Variants in TECTA observed in about 807,000 individuals in gnomAD.
The protein encoded by TECTA is alpha-tectorin.
In TECTA, 128 loss-of-function variants were observed where a neutral mutation model predicts 216.8. The observed-to-expected ratio is 0.59, with a 90% CI of 0.51 to 0.68. The LOEUF (loss-of-function observed/expected upper bound fraction) is 0.68. TECTA is among the 30% of genes least tolerant of loss of function. TECTA has a pLI of 0.00. For synonymous variants in TECTA, 1,089 were observed against 1,117.1 expected, an observed-to-expected ratio of 0.97 and a Z score of 0.50; for missense variants, 2,551 against 2,786.2, an observed-to-expected ratio of 0.92 and a Z score of 1.90.
chr11:121,166,363 A>G (rs1947053078), intron 17 of TECTA, among the ~76,000 whole-genome samples: 1 of 152,242 alleles, frequency 6.6e-6, no homozygotes, highest in Non-Finnish European at 1.5e-5. Flanking sequence ...TAGCATTTTT[A>G]TCCTTTTAAA....
chr11:121,166,682 G>T lies in TECTA; in HGVS notation c.5488G>T (p.Val1830Leu). 1.2e-6 allele frequency: 2 copies of T among 1,614,186 alleles called. No homozygotes were observed. Among genetic ancestry groups the T allele is most frequent in the South Asian group, 1.1e-5 (1 of 91,086 alleles). ...LFQLGFEREG[V>L]RINDRQCTGI... ...CCAGCTCGGTTTTGAGAGGGAGGGC[G>T]TGAGGATCAATGACAGACAGTGCAC... Residue 1830 changes from valine to leucine, a missense_variant, in exon 18 of 24, where the codon GTG becomes TTG. Val to Leu is a conservative substitution (Grantham distance 32). Transcript: ENST00000392793.
At chr11:121,183,362 C>T (rs1407758011) in intron 20 of TECTA, among the ~76,000 whole-genome samples, 1 of 152,110 alleles carries the variant, frequency 6.6e-6, no homozygotes, top group Non-Finnish European at 1.5e-5. Flanking sequence ...TGGAACAATA[C>T]TGTTATGTGG....
At chr11:121,146,183 C>T (rs1946837461) in intron 12 of TECTA, 67 bp downstream of exon 12, 1 of 1,573,436 alleles carries the variant, frequency 6.4e-7, no homozygotes, top group South Asian at 1.1e-5. Flanking sequence ...GAAGGCCAGT[C>T]TTCCAACTCC....
In TECTA at chr11:121,112,944, G is replaced by T. The variant is rs964339444; in HGVS notation, c.487-128G>T. On this transcript the variant is annotated intron_variant, in intron 4 of 23. Transcript: ENST00000392793. Reference sequence around the variant, plus strand: ...AATTCAGAGAGGAGTCAGAGCTGGAGGGCCTGGCTGCAGAGCAGCTCTGAG... The same window carrying T: ...AATTCAGAGAGGAGTCAGAGCTGGATGGCCTGGCTGCAGAGCAGCTCTGAG... 9 of 1,129,038 alleles carry T rather than the reference G, an allele frequency of 8.0e-6. No homozygotes were observed. The African/African-American group carries it at 1.2e-4, about 15-fold the overall frequency. 69.9% of individuals were successfully genotyped at this position (1,129,038 alleles called of 1,614,324 possible).
intron 8 of TECTA, among the ~76,000 whole-genome samples, chr11:121,126,759 T>G (rs1946616649): frequency 6.6e-6 from 1 of 152,114 alleles, no homozygotes; most frequent in Non-Finnish European, 1.5e-5. Context: ...TTCTTAAGAG[T>G]TTTGGTCAAA....
Position 121,145,938 on chromosome 11 carries a change from T to A in TECTA, c.3927T>A (p.Ala1309=). Reference sequence around the variant, plus strand: ...GCAGCCTGATCCCCAACCAGAACGCTGCCTTCTCCAAGTGTCACAGCAAAG... The same window carrying A: ...GCAGCCTGATCCCCAACCAGAACGCAGCCTTCTCCAAGTGTCACAGCAAAG... The part of the protein sequence containing the change: ...QLCSLIPNQN[A]AFSKCHSKVN... The change falls in exon 12 of 24, where the codon GCT becomes GCA. Residue 1309 remains alanine (A), a synonymous_variant. Coordinates refer to ENST00000392793, the MANE Select transcript of TECTA (RefSeq NM_005422.4). 1 of 1,614,254 alleles carries A rather than the reference T, an allele frequency of 6.2e-7. No homozygotes were observed.
At chr11:121,177,746 C>T (rs528833233) in intron 20 of TECTA, among the ~76,000 whole-genome samples, 126 of 152,342 alleles carry the variant, frequency 8.3e-4, no homozygotes, top group African/African-American at 2.7e-3. Flanking sequence ...GTGGTTACTG[C>T]TGTCTTTTTG....
intron 13 of TECTA, among the ~76,000 whole-genome samples, chr11:121,155,464 A>T (rs1326581305): frequency 6.6e-6 from 1 of 152,190 alleles, no homozygotes; most frequent in African/African-American, 2.4e-5. Flanking sequence ...CTGGAAGGAG[A>T]GTAGACTTAG....
At chr11:121,167,998 C>T in intron 18 of TECTA, 56 bp from the exon 19 acceptor site, 1 of 1,597,976 alleles carries the variant, frequency 6.3e-7, no homozygotes, top group Middle Eastern at 1.7e-4. Context: ...ATTTGATATG[C>T]AAGCTACATA....
At chr11:121,184,140 G>A (rs568505134) in intron 20 of TECTA, among the ~76,000 whole-genome samples, 1 of 152,192 alleles carries the variant, frequency 6.6e-6, no homozygotes, top group Non-Finnish European at 1.5e-5. Flanking sequence ...ATTCTAAGTG[G>A]TAGAGACCCA....
chr11:121,166,454 C>T, intron 17 of TECTA, 124 bp from the exon 18 acceptor site: 1 of 929,934 alleles, frequency 1.1e-6, no homozygotes, highest in Non-Finnish European at 1.7e-6. Flanking sequence ...ATTAGAAATG[C>T]TGCAGCCTTG....
intron 1 of TECTA, among the ~76,000 whole-genome samples, chr11:121,102,145 C>T (rs954857782): frequency 4.6e-5 from 7 of 152,162 alleles, no homozygotes; most frequent in Non-Finnish European, 1.0e-4. Context: ...CGGCTCCATT[C>T]TATGGAGAAG....
In TECTA at chr11:121,114,105, C is replaced by T. The variant is rs1002910825; in HGVS notation, c.790+387C>T. 3.9e-5 allele frequency among the ~76,000 whole-genome samples: 6 copies of T among 152,038 alleles called. No individual in the cohort carries two copies. The East Asian group carries it at 1.2e-3, about 29-fold the overall frequency. On this transcript the variant is annotated intron_variant, in intron 6 of 23. Transcript: ENST00000392793. ...TTATGTTTTTCTTCTCATCCTTATT[C>T]TCGCTCTGTCTTCTGCACTTTGTAG... is the stretch of plus-strand genomic sequence containing the variant.
chr11:121,109,046 C>T (rs376431616), intron 3 of TECTA, among the ~76,000 whole-genome samples, 165 bp from the exon 4 acceptor site: 1 of 152,164 alleles, frequency 6.6e-6, no homozygotes. Flanking sequence ...TGGAAGTAAA[C>T]GAACCTCTTA....
chr11:121,132,127 G>A (rs2135088258), intron 10 of TECTA, among the ~76,000 whole-genome samples: 1 of 152,222 alleles, frequency 6.6e-6, no homozygotes, highest in South Asian at 2.1e-4. Context: ...ATTTATTACT[G>A]TTTGTGAAAT....
chr11:121,159,701 G>T (rs1289931782), intron 14 of TECTA, among the ~76,000 whole-genome samples: 1 of 152,202 alleles, frequency 6.6e-6, no homozygotes, highest in Non-Finnish European at 1.5e-5. Context: ...CCTTGGCACA[G>T]GATTGGGATT....
intron 10 of TECTA, among the ~76,000 whole-genome samples, chr11:121,134,593 C>T (rs896915025): frequency 2.0e-5 from 3 of 151,782 alleles, no homozygotes; most frequent in Admixed American, 2.0e-4. Flanking sequence ...TTTCATCCAC[C>T]TCCCTATATC....
Position 121,129,699 on chromosome 11 carries a change from G to T in TECTA, c.2429G>T (p.Arg810Leu), listed in dbSNP as rs780375885. Residue 810 changes from arginine to leucine, a missense_variant, in exon 10 of 24, where the codon CGA becomes CTA. Physicochemically the swap from Arg to Leu is moderately radical, Grantham distance 102. Transcript: ENST00000392793. ...FHPSGKLEIY[R>L]NKNSTTVESK... ...CCTTCGGGGAAGCTGGAAATTTATC[G>T]AAACAAAAACAGTACGACAGTGGAG... The T allele has an allele frequency of 4.3e-6, 7 of 1,614,028 alleles. No homozygotes were observed. Among genetic ancestry groups the T allele is most frequent in the Non-Finnish European group, 5.9e-6 (7 of 1,180,038 alleles).
chr11:121,175,486 A>C (rs1275693836), intron 20 of TECTA, among the ~76,000 whole-genome samples: 1 of 152,112 alleles, frequency 6.6e-6, no homozygotes, highest in East Asian at 1.9e-4. Flanking sequence ...TTCAGTTTCC[A>C]TGTAATTGAG....
Sources: allele counts gnomAD v4.1 joint callset (sites outside exome capture counted in the v4.1 genomes callset), GRCh38; gene constraint gnomAD v4.1.1; transcripts MANE v1.5; gene names NCBI Gene and HGNC (gene_info 2026-07-23, HGNC 2026-07-21).